PAK1IP1: variants seen among roughly 807,000 people sequenced by gnomAD.
The protein encoded by PAK1IP1 is PAK1 interacting protein 1.
Under a neutral mutation model 42.0 loss-of-function variants are expected in PAK1IP1, and 24 were observed. That is an observed-to-expected ratio of 0.57 (90% CI 0.41 to 0.80). PAK1IP1 has a LOEUF of 0.80. PAK1IP1 is among the 30% of genes least tolerant of loss of function. The probability of loss-of-function intolerance (pLI) is 0.00; values close to 1 mark genes in which losing one functional copy is unlikely to be tolerated. For missense variants in PAK1IP1, 411 were observed against 467.9 expected (o/e 0.88, Z 1.12); for synonymous variants, 154 against 156.7 (o/e 0.98, Z 0.13).
chr6:10,702,240 C>CAAA, intron 2 of PAK1IP1, 129 bp from the exon 3 acceptor site: 37 of 571,486 alleles, frequency 6.5e-5, no homozygotes, highest in Non-Finnish European at 8.6e-5. Flanking sequence ...AACCCTGCCT[C>CAAA]AAAAAAAAAA....
intron 7 of PAK1IP1, 69 bp downstream of exon 7, chr6:10,704,913 G>A: frequency 1.1e-6 from 1 of 931,182 alleles, no homozygotes. Context: ...AGTTTCATAA[G>A]CCAGGTTATA....
At chr6:10,707,576 A>G in intron 8 of PAK1IP1, 62 bp downstream of exon 8, 1 of 997,298 alleles carries the variant, frequency 1.0e-6, no homozygotes. Flanking sequence ...AGTGAGGTGG[A>G]ATTTTTTTAA....
chr6:10,697,969 A>G (rs896543138), intron 2 of PAK1IP1, among the ~76,000 whole-genome samples: 1 of 152,132 alleles, frequency 6.6e-6, no homozygotes, highest in Non-Finnish European at 1.5e-5. Context: ...CATTTAACCC[A>G]GTCAGAGTGA....
chr6:10,696,009 C>CAGT (rs1561889320), intron 1 of PAK1IP1, among the ~76,000 whole-genome samples: 2 of 151,806 alleles, frequency 1.3e-5, no homozygotes, highest in Admixed American at 6.6e-5. Context: ...TCCAGACACA[C>CAGT]AGTAGTCCTC....
rs1171955323 is a variant in PAK1IP1, at chr6:10,695,034, G to C, written c.49G>C (p.Val17Leu). 1.9e-6 allele frequency: 3 copies of C among 1,602,492 alleles called. No individual in the cohort carries two copies. The highest frequency in any genetic ancestry group is 2.5e-6 in the Non-Finnish European group (3 of 1,179,332). The part of the protein sequence containing the change: ...CYEQVLFGFA[V>L]HPEPEACGDH... Reference sequence around the variant, plus strand: ...CGAGCAGGTCCTCTTTGGGTTCGCTGTACACCCGGAGCCCGAGGCTTGCGG... The same window carrying C: ...CGAGCAGGTCCTCTTTGGGTTCGCTCTACACCCGGAGCCCGAGGCTTGCGG... Residue 17 changes from valine (V) to leucine (L), a missense_variant, in exon 1 of 10, where the codon GTA becomes CTA. By Grantham distance (32) the Val-to-Leu change is conservative (BLOSUM62 1). Transcript: ENST00000379568.
At chr6:10,697,089 T>G (rs1769882977) in intron 1 of PAK1IP1, among the ~76,000 whole-genome samples, 1 of 152,218 alleles carries the variant, frequency 6.6e-6, no homozygotes, top group Non-Finnish European at 1.5e-5. Context: ...CCCACCTCCT[T>G]GCTTTACCTT....
chr6:10,694,819 A>C, upstream of PAK1IP1: 2 of 571,866 alleles, frequency 3.5e-6, no homozygotes, highest in South Asian at 2.1e-5. Flanking sequence ...CCCGCGCTTA[A>C]AGTGTTTCCA....
intron 7 of PAK1IP1, among the ~76,000 whole-genome samples, chr6:10,706,472 G>A (rs1280363498): frequency 6.6e-6 from 1 of 152,174 alleles, no homozygotes; most frequent in African/African-American, 2.4e-5. Flanking sequence ...CTGTCACTGT[G>A]TGGCCAGTTT....
At position 10,702,467 on chromosome 6, in the gene PAK1IP1, C is replaced by T. The variant is rs776458479; in HGVS notation, c.346C>T (p.Leu116=). The change falls in exon 3 of 10, where the codon CTG becomes TTG. Residue 116 remains leucine (L), a synonymous_variant. Coordinates refer to ENST00000379568, the MANE Select transcript of PAK1IP1 (RefSeq NM_017906.3). ...CIWDAKKWEC[L]KSIKAHKGQV... ...CTGGGATGCAAAGAAATGGGAATGC[C>T]TGAAGTCAATTAAAGCTCACAAGTG... 6 of 1,613,994 alleles carry T rather than the reference C, an allele frequency of 3.7e-6. No individual in the cohort carries two copies. Among genetic ancestry groups the T allele is most frequent in the Non-Finnish European group, 5.1e-6 (6 of 1,180,000 alleles).
chr6:10,701,608 A>T (rs928743504), intron 2 of PAK1IP1, among the ~76,000 whole-genome samples: 13 of 152,220 alleles, frequency 8.5e-5, no homozygotes, highest in Non-Finnish European at 5.9e-5. Context: ...AATGAATGAG[A>T]AGTGTGTGGA....
At chr6:10,706,732 A>T (rs1181194538) in intron 7 of PAK1IP1, among the ~76,000 whole-genome samples, 1 of 151,898 alleles carries the variant, frequency 6.6e-6, no homozygotes, top group Non-Finnish European at 1.5e-5. Flanking sequence ...AAAATACAAA[A>T]ATTAGCCAGG....
intron 2 of PAK1IP1, among the ~76,000 whole-genome samples, chr6:10,699,259 G>A (rs1387659511): frequency 6.6e-6 from 1 of 151,810 alleles, no homozygotes; most frequent in East Asian, 1.9e-4. Context: ...CAAGGGCCTG[G>A]AGATCTCTGA....
chr6:10,704,934 A>G, intron 7 of PAK1IP1, 90 bp downstream of exon 7: 1 of 799,398 alleles, frequency 1.3e-6, no homozygotes, highest in African/African-American at 1.7e-5. Context: ...TGTTTTTATT[A>G]ACAACTGCAG....
chr6:10,700,413 G>A (rs943903947), intron 2 of PAK1IP1, among the ~76,000 whole-genome samples: 2 of 152,156 alleles, frequency 1.3e-5, no homozygotes, highest in Non-Finnish European at 2.9e-5. Flanking sequence ...ATGAGGGTTT[G>A]CCCTTATGAC....
At chr6:10,706,907 AAAAAG>A (rs1481820688) in intron 7 of PAK1IP1, among the ~76,000 whole-genome samples, 1 of 151,698 alleles carries the variant, frequency 6.6e-6, no homozygotes, top group Non-Finnish European at 1.5e-5. Flanking sequence ...AAAAAAAAAG[AAAAAG>A]AAAGAAAAGA....
At chr6:10,704,921 A>G in intron 7 of PAK1IP1, 77 bp downstream of exon 7, 3 of 862,488 alleles carry the variant, frequency 3.5e-6, no homozygotes, top group East Asian at 2.4e-5. Flanking sequence ...AAGCCAGGTT[A>G]TATGTTTTTA....
chr6:10,691,767 C>T (rs907254677), upstream of PAK1IP1, among the ~76,000 whole-genome samples: 2 of 152,126 alleles, frequency 1.3e-5, no homozygotes, highest in Non-Finnish European at 1.5e-5. Context: ...ATTAGTAACA[C>T]CTGGACTAGA....
intron 5 of PAK1IP1, among the ~76,000 whole-genome samples, chr6:10,704,103 A>G (rs1456155759): frequency 1.3e-5 from 2 of 151,666 alleles, no homozygotes; most frequent in Non-Finnish European, 1.5e-5. Context: ...GCTCCCTACA[A>G]CCTCTGCCTT....
At chr6:10,708,202 C>CTTAGGTAAAAAT (rs2127482153) in intron 8 of PAK1IP1, among the ~76,000 whole-genome samples, 11 of 147,940 alleles carry the variant, frequency 7.4e-5, no homozygotes, top group South Asian at 4.5e-4. Flanking sequence ...CCTTTCCCCC[C>CTTAGGTAAAAAT]ACTGCCAGTC....
Sources: gnomAD v4.1 joint callset for allele counts (sites outside exome capture counted in the v4.1 genomes callset) on GRCh38, gnomAD v4.1.1 for gene constraint, MANE v1.5 for transcripts, NCBI Gene and HGNC (gene_info 2026-07-23, HGNC 2026-07-21) for gene names.